The following CUBN variants were observed in gnomAD, a reference collection of about 807,000 sequenced individuals.
The protein encoded by CUBN is cubilin.
A neutral mutation model predicts 405.3 loss-of-function variants in CUBN; 282 were observed. The observed-to-expected ratio is 0.70, with a 90% CI of 0.63 to 0.77. The LOEUF (loss-of-function observed/expected upper bound fraction) is 0.77. Among genes scored for constraint, CUBN ranks in the 30% least tolerant of loss-of-function variants. The pLI, the probability that CUBN is intolerant of heterozygous loss-of-function variation, is 0.00. For missense variants in CUBN, 4,514 were observed against 4,475.2 expected (o/e 1.01, Z -0.25); for synonymous variants, 1,684 against 1,617.0 (o/e 1.04, Z -0.99).
At chr10:16,939,189 T>A (rs778748236) in intron 37 of CUBN, 42 bp from the exon 38 acceptor site, 1 of 1,492,600 alleles carries the variant, frequency 6.7e-7, no homozygotes, top group East Asian at 2.3e-5. Flanking sequence ...CCACTTAGAA[T>A]TGCTCTTTAA....
intron 48 of CUBN, among the ~76,000 whole-genome samples, chr10:16,913,165 T>C (rs1407039827): frequency 1.3e-5 from 2 of 152,190 alleles, no homozygotes; most frequent in Admixed American, 1.3e-4. Context: ...TTTACTGAGA[T>C]AACAAACACT....
intron 59 of CUBN, among the ~76,000 whole-genome samples, chr10:16,856,904 G>A (rs1839885314): frequency 6.6e-6 from 1 of 152,172 alleles, no homozygotes; most frequent in Non-Finnish European, 1.5e-5. Context: ...GGAAATTCGA[G>A]CACACCTAGA....
intron 59 of CUBN, among the ~76,000 whole-genome samples, chr10:16,862,758 A>G (rs762016815): frequency 6.6e-6 from 1 of 152,224 alleles, no homozygotes; most frequent in Non-Finnish European, 1.5e-5. Context: ...TTATGGGTAC[A>G]AATAATTTAA....
At chr10:17,077,379 T>G (rs1434824540) in intron 17 of CUBN, among the ~76,000 whole-genome samples, 2 of 152,188 alleles carry the variant, frequency 1.3e-5, no homozygotes, top group Non-Finnish European at 2.9e-5. Context: ...AGAAACACCA[T>G]TTACATGAAA....
At chr10:16,911,871 A>G (rs1841745758) in intron 48 of CUBN, among the ~76,000 whole-genome samples, 1 of 152,350 alleles carries the variant, frequency 6.6e-6, no homozygotes, top group East Asian at 1.9e-4. Flanking sequence ...AACCAGAAAA[A>G]TAGATTAAAA....
At chr10:16,956,147 A>G (rs1231341493) in intron 31 of CUBN, among the ~76,000 whole-genome samples, 1 of 152,162 alleles carries the variant, frequency 6.6e-6, no homozygotes. Context: ...CTCTTTAGCC[A>G]CAGGTATGAT....
chr10:16,836,125 A>C (rs1005207795), intron 63 of CUBN, 110 bp downstream of exon 63: 88 of 1,124,942 alleles, frequency 7.8e-5, no homozygotes, highest in Non-Finnish European at 2.0e-5. Flanking sequence ...TTTTGTTAAC[A>C]AATCCTAATT....
intron 48 of CUBN, among the ~76,000 whole-genome samples, chr10:16,912,687 A>C (rs752380879): frequency 4.6e-5 from 7 of 152,204 alleles, no homozygotes; most frequent in Non-Finnish European, 1.0e-4. Context: ...GCATCTCAGC[A>C]CATTCAGGGA....
Position 17,084,417 on chromosome 10 carries a change from G to A in CUBN, c.2155C>T (p.Leu719Phe), listed in dbSNP as rs1588631670. Reference sequence around the variant, plus strand: ...GGCCCAGACAACTCAGGCAAGAAGAGTTCACCCTCTGGGTCCGTGTAGTTC... The same window carrying A: ...GGCCCAGACAACTCAGGCAAGAAGAATTCACCCTCTGGGTCCGTGTAGTTC... ...GGNYTDPEGE[L>F]FLPELSGPFT... Residue 719 changes from leucine (L) to phenylalanine (F), a missense_variant, in exon 17 of 67, where the codon CTC becomes TTC. Physicochemically the swap from Leu to Phe is conservative, Grantham distance 22 (BLOSUM62 0). This residue lies in a region of CUBN where 1,448 missense variants were observed against 1,388.0 expected (regional missense o/e 1.04). Transcript: ENST00000377833. The A allele has an allele frequency of 6.2e-7, 1 of 1,614,034 alleles. No homozygotes were observed. Among genetic ancestry groups the A allele is most frequent in the Non-Finnish European group, 8.5e-7 (1 of 1,180,006 alleles).
intron 65 of CUBN, among the ~76,000 whole-genome samples, chr10:16,830,847 G>A (rs1255030696): frequency 6.6e-6 from 1 of 152,150 alleles, no homozygotes; most frequent in Admixed American, 6.5e-5. Context: ...TGTAATCCCA[G>A]CACTTTGGGA....
chr10:16,954,352 T>G (rs1386700179), intron 32 of CUBN, 37 bp downstream of exon 32: 1 of 1,613,188 alleles, frequency 6.2e-7, no homozygotes, highest in Non-Finnish European at 8.5e-7. Flanking sequence ...GCACTGAAGA[T>G]TTCTCTTGTG....
At chr10:17,006,232 ACTT>A (rs1274062616) in intron 28 of CUBN, among the ~76,000 whole-genome samples, 2 of 152,098 alleles carry the variant, frequency 1.3e-5, no homozygotes, top group African/African-American at 2.4e-5. Flanking sequence ...TGAATGAAAA[ACTT>A]CTTCTCAAAA....
At chr10:16,851,508 G>C (rs1839684862) in intron 59 of CUBN, 65 bp from the exon 60 acceptor site, 1 of 1,431,170 alleles carries the variant, frequency 7.0e-7, no homozygotes, top group Admixed American at 1.7e-5. Flanking sequence ...GTACATGGAG[G>C]GTTTTTAAAA....
chr10:16,969,318 G>A (rs770693362), intron 31 of CUBN, among the ~76,000 whole-genome samples: 1 of 151,880 alleles, frequency 6.6e-6, no homozygotes, highest in Non-Finnish European at 1.5e-5. Context: ...GACTACTGCT[G>A]TGGGTTCTGT....
At chr10:16,857,318 T>A (rs1298873541) in intron 59 of CUBN, among the ~76,000 whole-genome samples, 1 of 152,180 alleles carries the variant, frequency 6.6e-6, no homozygotes, top group African/African-American at 2.4e-5. Flanking sequence ...TTAGGAATCA[T>A]AAAACTAAAA....
At chr10:17,018,657 C>T (rs2131779930) in intron 28 of CUBN, among the ~76,000 whole-genome samples, 1 of 152,174 alleles carries the variant, frequency 6.6e-6, no homozygotes, top group South Asian at 2.1e-4. Flanking sequence ...GCTTTTATTC[C>T]CTTATTTGGC....
At chr10:16,833,649 GAAAGA>G (rs1208488923) in intron 64 of CUBN, among the ~76,000 whole-genome samples, 1 of 152,076 alleles carries the variant, frequency 6.6e-6, no homozygotes, top group Admixed American at 6.5e-5. Flanking sequence ...GAAAGAAGAA[GAAAGA>G]AAAGAAAGAA....
intron 29 of CUBN, among the ~76,000 whole-genome samples, chr10:16,988,100 C>G (rs1055608507): frequency 8.1e-4 from 124 of 152,304 alleles, no homozygotes; most frequent in African/African-American, 2.9e-3. Flanking sequence ...TTGTAGGGAA[C>G]AGCCCCTGTC....
At chr10:17,073,410 T>A (rs1158766771) in intron 17 of CUBN, among the ~76,000 whole-genome samples, 2 of 150,352 alleles carry the variant, frequency 1.3e-5, no homozygotes, top group Admixed American at 6.6e-5. Context: ...TTCCTTCATA[T>A]AATAGACTAC....
Sources: allele counts gnomAD v4.1 joint callset (sites outside exome capture counted in the v4.1 genomes callset), GRCh38; gene constraint gnomAD v4.1.1; regional missense constraint gnomAD v4.1.1; transcripts MANE v1.5; gene names NCBI Gene and HGNC (gene_info 2026-07-23, HGNC 2026-07-21).